The following ACTR3C variants were observed in gnomAD, a reference collection of about 807,000 sequenced individuals.
ACTR3C encodes actin related protein 3C, also known as actin-related protein 3C.
In ACTR3C, 18 loss-of-function variants were observed where a neutral mutation model predicts 26.3. The ratio of observed to expected loss-of-function variants is 0.68; its 90% CI spans 0.47 to 1.01. The LOEUF (loss-of-function observed/expected upper bound fraction) is 1.01. Among genes scored for constraint, ACTR3C ranks in the 50% least tolerant of loss-of-function variants. ACTR3C has a pLI of 0.00. For missense variants in ACTR3C, 184 were observed against 250.7 expected, an observed-to-expected ratio of 0.73 and a Z score of 1.80; for synonymous variants, 55 against 94.5, an observed-to-expected ratio of 0.58 and a Z score of 2.42.
the ACTR3C span, among the ~76,000 whole-genome samples, chr7:150,235,146 C>A: frequency 6.6e-6 from 1 of 152,180 alleles, no homozygotes; most frequent in African/African-American, 2.4e-5. Flanking sequence ...ATACAAAGGC[C>A]AGTAAATTCA....
At chr7:150,137,172 G>A in the ACTR3C span, among the ~76,000 whole-genome samples, 13 of 152,282 alleles carry the variant, frequency 8.5e-5, no homozygotes, top group East Asian at 1.9e-3. Flanking sequence ...CCAGGGGTTG[G>A]GGACTTCTGC....
At chr7:150,193,954 A>AT in the ACTR3C span, among the ~76,000 whole-genome samples, 7 of 146,864 alleles carry the variant, frequency 4.8e-5, no homozygotes, top group African/African-American at 7.6e-5. Context: ...GCTTTAAAAA[A>AT]ATATATATAT....
intron 6 of ACTR3C, among the ~76,000 whole-genome samples, chr7:150,265,606 A>G (rs1833977634): frequency 6.6e-6 from 1 of 152,196 alleles, no homozygotes; most frequent in Non-Finnish European, 1.5e-5. Flanking sequence ...AGGCAGGAGA[A>G]TCGCTTGAAC....
the ACTR3C span, among the ~76,000 whole-genome samples, chr7:150,037,856 C>CT: frequency 2.0e-5 from 2 of 97,688 alleles, no homozygotes; most frequent in Non-Finnish European, 2.3e-5. Flanking sequence ...TGCCTCCGCC[C>CT]CCAGCGATGG....
chr7:150,037,515 C>A, the ACTR3C span, among the ~76,000 whole-genome samples: 2 of 53,110 alleles, frequency 3.8e-5, no homozygotes, highest in African/African-American at 1.3e-4. Flanking sequence ...GGGGATAGCT[C>A]TCAGTCCCCA....
chr7:150,292,500 ATT>A (rs571206179), intron 3 of ACTR3C, among the ~76,000 whole-genome samples: 20 of 138,192 alleles, frequency 1.4e-4, no homozygotes, highest in Admixed American at 1.4e-4. Flanking sequence ...TGGCTTTTAA[ATT>A]TTTTTTTTTT....
the ACTR3C span, among the ~76,000 whole-genome samples, chr7:150,013,066 A>AT: frequency 1.6e-4 from 23 of 139,502 alleles, no homozygotes; most frequent in African/African-American, 6.1e-4. Context: ...TTTCAATGTT[A>AT]TTTTTACCAT....
the ACTR3C span, among the ~76,000 whole-genome samples, chr7:150,184,360 C>T: frequency 2.0e-5 from 3 of 150,924 alleles, no homozygotes; most frequent in Non-Finnish European, 2.9e-5. Flanking sequence ...TCGCACATGG[C>T]GTTAAAGAAC....
At chr7:150,272,681 G>GT (rs1045539335) in intron 6 of ACTR3C, among the ~76,000 whole-genome samples, 3 of 117,080 alleles carry the variant, frequency 2.6e-5, no homozygotes, top group Admixed American at 7.7e-5. Context: ...TTTTTTGTGT[G>GT]TTTTTTTGGT....
intron 3 of ACTR3C, among the ~76,000 whole-genome samples, chr7:150,291,134 T>C (rs990954025): frequency 4.6e-5 from 7 of 152,058 alleles, no homozygotes; most frequent in African/African-American, 1.7e-4. Flanking sequence ...ACACGTGTCT[T>C]AGAAAAAGAG....
At chr7:150,030,499 T>G in the ACTR3C span, among the ~76,000 whole-genome samples, 4 of 152,252 alleles carry the variant, frequency 2.6e-5, no homozygotes, top group African/African-American at 9.6e-5. Flanking sequence ...CTCCCCAGAC[T>G]GACACTCAAA....
chr7:150,196,515 G>A, the ACTR3C span, among the ~76,000 whole-genome samples: 2 of 152,288 alleles, frequency 1.3e-5, no homozygotes, highest in Non-Finnish European at 2.9e-5. Context: ...ATTCATGCCT[G>A]TAACATAGTC....
At chr7:150,287,561 C>T (rs367711611) in intron 4 of ACTR3C, among the ~76,000 whole-genome samples, 9 of 152,286 alleles carry the variant, frequency 5.9e-5, no homozygotes, top group Non-Finnish European at 1.0e-4. Context: ...ACAGGAAGCA[C>T]GAGGTGGGCC....
At chr7:150,294,613 T>C (rs986198085) in intron 2 of ACTR3C, among the ~76,000 whole-genome samples, 5 of 152,268 alleles carry the variant, frequency 3.3e-5, no homozygotes, top group African/African-American at 1.2e-4. Flanking sequence ...CCGAGAAAGC[T>C]GCAGGATGCA....
At chr7:150,019,047 A>T in the ACTR3C span, among the ~76,000 whole-genome samples, 1 of 150,314 alleles carries the variant, frequency 6.7e-6, no homozygotes, top group Non-Finnish European at 1.5e-5. Flanking sequence ...TGGTGCTAAA[A>T]TTTCTGAAGG....
At chr7:150,038,053 G>A in the ACTR3C span, among the ~76,000 whole-genome samples, 4 of 133,838 alleles carry the variant, frequency 3.0e-5, no homozygotes, top group Admixed American at 7.1e-5. Context: ...GGGAAGAGGG[G>A]TTGGCTCTGA....
chr7:150,037,321 G>C, the ACTR3C span, among the ~76,000 whole-genome samples: 1 of 47,638 alleles, frequency 2.1e-5, no homozygotes, highest in African/African-American at 6.5e-5. Flanking sequence ...AACGATGCGG[G>C]GTCCTAAGCC....
the ACTR3C span, among the ~76,000 whole-genome samples, chr7:149,920,135 A>C: frequency 6.6e-6 from 1 of 152,248 alleles, no homozygotes; most frequent in East Asian, 1.9e-4. Flanking sequence ...TGGAGCCCTC[A>C]CTGATTCATC....
At chr7:150,086,748 C>G in the ACTR3C span, among the ~76,000 whole-genome samples, 3 of 152,112 alleles carry the variant, frequency 2.0e-5, no homozygotes, top group African/African-American at 7.2e-5. Flanking sequence ...GGTCACTCCT[C>G]CCTCACAATG....
Sources: allele counts gnomAD v4.1 joint callset (sites outside exome capture counted in the v4.1 genomes callset), GRCh38; gene constraint gnomAD v4.1.1; transcripts MANE v1.5; gene names NCBI Gene and HGNC (gene_info 2026-07-23, HGNC 2026-07-21).